KCNQ5: variants seen among roughly 807,000 people sequenced by gnomAD.
KCNQ5 encodes the protein potassium voltage-gated channel subfamily KQT member 5.
Under a neutral mutation model 98.2 loss-of-function variants are expected in KCNQ5, and 30 were observed. The ratio of observed to expected loss-of-function variants is 0.31; its 90% CI spans 0.23 to 0.41. The LOEUF (loss-of-function observed/expected upper bound fraction) is 0.41, where lower values mean the gene tolerates loss of function less well. Among genes scored for constraint, KCNQ5 ranks in the 10% least tolerant of loss-of-function variants. The probability of loss-of-function intolerance (pLI) is 1.00; values close to 1 mark genes in which losing one functional copy is unlikely to be tolerated. For synonymous variants in KCNQ5, 458 were observed against 449.4 expected (o/e 1.02, Z -0.24); for missense variants, 835 against 1,182.5 (o/e 0.71, Z 4.31).
chr6:72,876,251 T>C (rs1163429433), intron 1 of KCNQ5, among the ~76,000 whole-genome samples: 1 of 152,150 alleles, frequency 6.6e-6, no homozygotes, highest in East Asian at 1.9e-4. Context: ...TAATTATTCT[T>C]GAATTAATAT....
At chr6:72,713,217 C>T (rs1317357928) in intron 1 of KCNQ5, among the ~76,000 whole-genome samples, 3 of 152,172 alleles carry the variant, frequency 2.0e-5, no homozygotes, top group South Asian at 2.1e-4. Flanking sequence ...GCCCCAGCCC[C>T]ATTTCGGATG....
At chr6:72,853,003 A>G (rs767836637) in intron 1 of KCNQ5, among the ~76,000 whole-genome samples, 1 of 152,104 alleles carries the variant, frequency 6.6e-6, no homozygotes, top group Non-Finnish European at 1.5e-5. Context: ...ACCATGGAAA[A>G]TGGCAAATGC....
chr6:73,008,326 T>C (rs1769907661), intron 2 of KCNQ5, among the ~76,000 whole-genome samples: 1 of 152,146 alleles, frequency 6.6e-6, no homozygotes. Flanking sequence ...GCAGAATTGA[T>C]AAAAATACAT....
chr6:72,887,212 T>TA (rs35932259), intron 1 of KCNQ5, among the ~76,000 whole-genome samples: 33 of 152,300 alleles, frequency 2.2e-4, no homozygotes, highest in African/African-American at 7.7e-4. Flanking sequence ...TTAGTGGACT[T>TA]ACAGTTCCAC....
intron 1 of KCNQ5, among the ~76,000 whole-genome samples, chr6:72,665,450 A>G (rs1766764327): frequency 6.6e-6 from 1 of 152,092 alleles, no homozygotes; most frequent in South Asian, 2.1e-4. Context: ...ATCTATTGTC[A>G]TCATTTAAAT....
intron 1 of KCNQ5, among the ~76,000 whole-genome samples, chr6:72,718,153 T>G (rs140557172): frequency 6.6e-6 from 1 of 152,202 alleles, no homozygotes; most frequent in Non-Finnish European, 1.5e-5. Flanking sequence ...AAATTTGCCT[T>G]GAGTGACTTT....
intron 7 of KCNQ5, among the ~76,000 whole-genome samples, chr6:73,116,601 G>A (rs1775507067): frequency 1.3e-5 from 2 of 152,152 alleles, no homozygotes; most frequent in Admixed American, 1.3e-4. Context: ...GGTTGAGCCT[G>A]GGAGTTTGAA....
intron 1 of KCNQ5, among the ~76,000 whole-genome samples, chr6:72,666,953 C>T (rs186405487): frequency 8.5e-5 from 13 of 152,198 alleles, no homozygotes; most frequent in Admixed American, 6.5e-4. Context: ...ATAAACATTC[C>T]TAAAATACTG....
intron 13 of KCNQ5, 149 bp from the exon 14 acceptor site, chr6:73,194,303 T>G (rs899148127): frequency 2.9e-6 from 2 of 686,978 alleles, no homozygotes; most frequent in African/African-American, 3.6e-5. Flanking sequence ...AATGTTACAT[T>G]CACTAAGGGT....
At chr6:72,869,396 A>C (rs1281850226) in intron 1 of KCNQ5, among the ~76,000 whole-genome samples, 1 of 152,176 alleles carries the variant, frequency 6.6e-6, no homozygotes, top group Non-Finnish European at 1.5e-5. Context: ...GGAAAATGAA[A>C]ATATTAGGTT....
chr6:72,737,843 G>A (rs1770926512), intron 1 of KCNQ5, among the ~76,000 whole-genome samples: 2 of 152,068 alleles, frequency 1.3e-5, no homozygotes, highest in Admixed American at 1.3e-4. Context: ...GGAGAGGAAA[G>A]GAGAGCAAGA....
intron 3 of KCNQ5, among the ~76,000 whole-genome samples, chr6:73,048,157 C>A (rs764886241): frequency 2.0e-5 from 3 of 152,128 alleles, no homozygotes; most frequent in Non-Finnish European, 4.4e-5. Context: ...TACAGATAAG[C>A]ACAATGAAGA....
chr6:73,095,392 T>G (rs1460556583), intron 5 of KCNQ5, among the ~76,000 whole-genome samples: 1 of 152,216 alleles, frequency 6.6e-6, no homozygotes, highest in African/African-American at 2.4e-5. Flanking sequence ...CTGATTAGCT[T>G]AATAATTAAC....
intron 1 of KCNQ5, among the ~76,000 whole-genome samples, chr6:72,948,822 G>T (rs1353797638): frequency 6.6e-6 from 1 of 152,130 alleles, no homozygotes; most frequent in Admixed American, 6.5e-5. Context: ...TTTAATTGAT[G>T]TTGACAATAT....
chr6:72,895,288 CAA>C (rs774007820), intron 1 of KCNQ5, among the ~76,000 whole-genome samples: 16 of 99,680 alleles, frequency 1.6e-4, no homozygotes, highest in Admixed American at 2.2e-4. Flanking sequence ...GACTCGGTCT[CAA>C]AAAAAAAAAA....
At chr6:72,891,506 G>A (rs1251929226) in intron 1 of KCNQ5, among the ~76,000 whole-genome samples, 2 of 152,064 alleles carry the variant, frequency 1.3e-5, no homozygotes, top group African/African-American at 4.8e-5. Context: ...TGGCTAAAAA[G>A]CCTAGAAAAA....
intron 1 of KCNQ5, among the ~76,000 whole-genome samples, chr6:72,893,261 G>A (rs981334915): frequency 6.6e-6 from 1 of 152,138 alleles, no homozygotes; most frequent in Non-Finnish European, 1.5e-5. Context: ...AGGCTGCATT[G>A]AGATGTATGC....
At chr6:72,641,318 C>CA (rs1409266442) in intron 1 of KCNQ5, among the ~76,000 whole-genome samples, 2 of 152,170 alleles carry the variant, frequency 1.3e-5, no homozygotes, top group Non-Finnish European at 2.9e-5. Flanking sequence ...CACACACACA[C>CA]AAAAATACAT....
At chr6:72,932,761 A>G (rs1413522935) in intron 1 of KCNQ5, among the ~76,000 whole-genome samples, 1 of 152,198 alleles carries the variant, frequency 6.6e-6, no homozygotes, top group Admixed American at 6.5e-5. Context: ...ATGCATCTAT[A>G]TCCTGCATAA....
Sources: allele counts gnomAD v4.1 joint callset (sites outside exome capture counted in the v4.1 genomes callset), GRCh38; gene constraint gnomAD v4.1.1; transcripts MANE v1.5; gene names NCBI Gene and HGNC (gene_info 2026-07-23, HGNC 2026-07-21).